ZNF131: variants seen among roughly 807,000 people sequenced by gnomAD.
The protein encoded by ZNF131 is zinc finger protein 131.
Under a neutral mutation model 60.0 loss-of-function variants are expected in ZNF131, and 7 were observed. The ratio of observed to expected loss-of-function variants is 0.12; its 90% CI spans 0.07 to 0.22. The LOEUF is 0.22. ZNF131 is among the 10% of genes least tolerant of loss of function. The pLI, the probability that ZNF131 is intolerant of heterozygous loss-of-function variation, is 1.00. For synonymous variants in ZNF131, 257 were observed against 253.2 expected (o/e 1.01, Z -0.14); for missense variants, 493 against 740.9 (o/e 0.67, Z 3.88).
At chr5:43,141,249 C>T (rs1205116037) in intron 4 of ZNF131, among the ~76,000 whole-genome samples, 1 of 152,156 alleles carries the variant, frequency 6.6e-6, no homozygotes, top group Non-Finnish European at 1.5e-5. Flanking sequence ...CAGATCAGTA[C>T]TCTTGCAGAG....
intron 5 of ZNF131, among the ~76,000 whole-genome samples, chr5:43,169,968 T>C (rs1428735499): frequency 6.6e-6 from 1 of 152,094 alleles, no homozygotes; most frequent in Non-Finnish European, 1.5e-5. Flanking sequence ...TTTTTTGTAT[T>C]TTTAGTAGAG....
rs1749686822 is a variant in ZNF131 at position 43,161,464 on chromosome 5, C to T, written c.587C>T (p.Ser196Phe). Residue 196 changes from serine (S) to phenylalanine (F), a missense_variant, in exon 5 of 7, where the codon TCC (serine) becomes TTC (phenylalanine). Physicochemically the swap from Ser to Phe is radical, Grantham distance 155. This residue lies in a region of ZNF131 where 138 missense variants were observed against 158.7 expected (regional missense o/e 0.87). Coordinates refer to ENST00000682664, the MANE Select transcript of ZNF131 (RefSeq NM_001330707.2). ...GAGGAAGTGGCTTCTGCCAAGCAGT[C>T]CGTAAAGTACATACAGAGCACAGGT... is the stretch of plus-strand genomic sequence containing the variant. ...TLEEVASAKQSVKYIQSTGSS... is the reference protein window; with the variant it reads ...TLEEVASAKQFVKYIQSTGSS... 2 of 1,614,126 alleles carry T rather than the reference C, an allele frequency of 1.2e-6. No individual in the cohort carries two copies.
chr5:43,121,930 C>T (rs994256700), intron 1 of ZNF131, 109 bp from the exon 2 acceptor site: 10 of 1,212,130 alleles, frequency 8.2e-6, no homozygotes, highest in Admixed American at 2.8e-5. Flanking sequence ...CTTCACCCTC[C>T]CCCCTTCTTT....
Position 43,161,505 on chromosome 5 carries a change from G to T in ZNF131, c.628G>T (p.Ala210Ser). 6.2e-7 allele frequency: 1 copy of T among 1,614,246 alleles called. No individual in the cohort carries two copies. The highest frequency in any genetic ancestry group is 8.5e-7 in the Non-Finnish European group (1 of 1,180,044). ...IQSTGSSDDSALALLADITSK... is the reference protein window; with the variant it reads ...IQSTGSSDDSSLALLADITSK... ...GAGCACAGGTTCCTCTGATGATTCT[G>T]CTCTAGCACTGTTGGCAGATATTAC... Residue 210 changes from alanine (A) to serine (S), a missense_variant, in exon 5 of 7, where the codon GCT becomes TCT. Ala to Ser is a moderately conservative substitution (Grantham distance 99). This residue lies in a region of ZNF131 where 138 missense variants were observed against 158.7 expected (regional missense o/e 0.87). Coordinates refer to ENST00000682664, the MANE Select transcript of ZNF131 (RefSeq NM_001330707.2).
rs558356364 is a variant in ZNF131, at chr5:43,130,243, G to A, written c.226+6933G>A. ...CAGGCCACTGCACTCCAGCCTGAGC[G>A]ATAGAGTAAGACTCTGTCTCCAAAA... On this transcript the variant is annotated intron_variant, in intron 3 of 6. Transcript: ENST00000682664. Among the ~76,000 whole-genome samples the A allele has an allele frequency of 5.9e-3, 521 of 88,210 alleles. 1 individual carries two copies. Among genetic ancestry groups the A allele is most frequent in the Middle Eastern group, 0.049 (5 of 102 alleles). 57.9% of individuals were successfully genotyped at this position (88,210 alleles called of 152,430 possible).
At chr5:43,126,361 T>C (rs576914517) in intron 3 of ZNF131, among the ~76,000 whole-genome samples, 17 of 152,226 alleles carry the variant, frequency 1.1e-4, no homozygotes, top group Non-Finnish European at 2.4e-4. Context: ...TGAACTTACT[T>C]TTCAAAACCT....
chr5:43,132,764 C>T (rs957499081), intron 3 of ZNF131, among the ~76,000 whole-genome samples: 14 of 152,260 alleles, frequency 9.2e-5, no homozygotes, highest in African/African-American at 3.4e-4. Flanking sequence ...CTGCCCACCT[C>T]GTCCTCCCAA....
At chr5:43,137,234 T>C (rs1746233795) in intron 3 of ZNF131, among the ~76,000 whole-genome samples, 1 of 152,036 alleles carries the variant, frequency 6.6e-6, no homozygotes, top group African/African-American at 2.4e-5. Flanking sequence ...AAAAAGCTTC[T>C]GTACAGCAAA....
chr5:43,139,623 G>C (rs887407713), intron 4 of ZNF131, among the ~76,000 whole-genome samples: 2 of 152,116 alleles, frequency 1.3e-5, no homozygotes, highest in Non-Finnish European at 2.9e-5. Context: ...TTTATACCAA[G>C]CCTTATCCTA....
At position 43,174,954 on chromosome 5, in the gene ZNF131, G is replaced by A. The variant is rs766550869; in HGVS notation, c.1693G>A (p.Asp565Asn). 5.0e-6 allele frequency: 8 copies of A among 1,613,950 alleles called. No homozygotes were observed. The African/African-American group carries it at 8.0e-5, about 16-fold the overall frequency. Residue 565 changes from aspartate to asparagine, a missense_variant, in exon 7 of 7, where the codon GAC (aspartate) becomes AAC (asparagine). By Grantham distance (23) the Asp-to-Asn change is conservative. Around this residue, in one of 7 missense-constraint regions of ZNF131, gnomAD observed 202 missense variants for 221.3 expected, o/e 0.91. Coordinates refer to ENST00000682664, the MANE Select transcript of ZNF131 (RefSeq NM_001330707.2). ...AACTGAACTTCTAGAAGCAGATTTG[G>A]ACCACGTGACCCCAGAAATCATGAA... The part of the protein sequence containing the change: ...VQTELLEADL[D>N]HVTPEIMNQE...
chr5:43,122,546 AT>A, intron 2 of ZNF131, among the ~76,000 whole-genome samples: 1 of 151,866 alleles, frequency 6.6e-6, no homozygotes, highest in East Asian at 1.9e-4. Flanking sequence ...GGAAGTGTTG[AT>A]TTTTTTTCTA....
chr5:43,123,022 T>C (rs1388983946), intron 2 of ZNF131, among the ~76,000 whole-genome samples, 187 bp from the exon 3 acceptor site: 4 of 152,254 alleles, frequency 2.6e-5, no homozygotes, highest in Admixed American at 2.0e-4. Flanking sequence ...TAGCTTTATA[T>C]CTAATTGAGA....
chr5:43,141,545 A>G (rs1490874958), intron 4 of ZNF131, among the ~76,000 whole-genome samples: 1 of 152,036 alleles, frequency 6.6e-6, no homozygotes, highest in Middle Eastern at 3.2e-3. Context: ...AGGTGGGTGG[A>G]TTACTTGGAC....
intron 4 of ZNF131, among the ~76,000 whole-genome samples, chr5:43,149,148 G>T (rs1293393795): frequency 2.6e-5 from 4 of 152,114 alleles, no homozygotes; most frequent in African/African-American, 9.7e-5. Flanking sequence ...GCGGATGCCT[G>T]TAATCCCAGC....
At chr5:43,147,311 T>G (rs1747723003) in intron 4 of ZNF131, among the ~76,000 whole-genome samples, 1 of 152,188 alleles carries the variant, frequency 6.6e-6, no homozygotes, top group African/African-American at 2.4e-5. Flanking sequence ...TTTCTCTTAG[T>G]AAACATCTAC....
chr5:43,140,249 G>T (rs1746642932), intron 4 of ZNF131, among the ~76,000 whole-genome samples: 1 of 152,082 alleles, frequency 6.6e-6, no homozygotes, highest in East Asian at 1.9e-4. Context: ...AAACGTGAAA[G>T]GATATAATGA....
chr5:43,129,704 G>C lies in ZNF131; in HGVS notation c.226+6394G>C, dbSNP rs187248675. On this transcript the variant is annotated intron_variant, in intron 3 of 6. Transcript: ENST00000682664. ...GAGTCTTGCTCTGTCACCCAGGCTG[G>C]AATGCAGTGGCACAATCTCGGCTCA... 4.1e-3 allele frequency among the ~76,000 whole-genome samples: 627 copies of C among 152,184 alleles called. 10 individuals carry two copies. Among genetic ancestry groups the C allele is most frequent in the African/African-American group, 0.015 (607 of 41,556 alleles).
intron 4 of ZNF131, among the ~76,000 whole-genome samples, chr5:43,146,693 G>A (rs1359527455): frequency 6.6e-6 from 1 of 152,092 alleles, no homozygotes; most frequent in Non-Finnish European, 1.5e-5. Flanking sequence ...ATCACCTGAG[G>A]TCAGGAGTTC....
At chr5:43,155,636 C>T (rs1023581891) in intron 4 of ZNF131, among the ~76,000 whole-genome samples, 31 of 152,142 alleles carry the variant, frequency 2.0e-4, no homozygotes, top group African/African-American at 5.8e-4. Context: ...GTTTTGCTTG[C>T]AGGTTAGCTG....
Sources: allele counts gnomAD v4.1 joint callset (sites outside exome capture counted in the v4.1 genomes callset), GRCh38; gene constraint gnomAD v4.1.1; regional missense constraint gnomAD v4.1.1; transcripts MANE v1.5; gene names NCBI Gene and HGNC (gene_info 2026-07-23, HGNC 2026-07-21).